Variants in RAB38 observed in about 807,000 individuals in gnomAD.
The protein encoded by RAB38 is RAB38, member RAS oncogene family, also known as ras-related protein Rab-38.
A neutral mutation model predicts 18.4 loss-of-function variants in RAB38; 15 were observed. The ratio of observed to expected loss-of-function variants is 0.82; its 90% CI spans 0.55 to 1.26. The LOEUF is 1.26. RAB38 is among the 50% of genes most tolerant of loss of function. The probability of loss-of-function intolerance (pLI) is 0.00; values close to 1 mark genes in which losing one functional copy is unlikely to be tolerated. For synonymous variants in RAB38, 101 were observed against 104.4 expected (o/e 0.97, Z 0.20); for missense variants, 294 against 267.4 (o/e 1.10, Z -0.69).
chr11:87,884,791 A>G, the RAB38 span, among the ~76,000 whole-genome samples: 158 of 152,016 alleles, frequency 1.0e-3, no homozygotes, highest in Middle Eastern at 6.8e-3. Flanking sequence ...TTTTATCATG[A>G]CATTACCTGG....
At chr11:87,816,574 C>T in the RAB38 span, 7 of 151,928 alleles carry the variant, frequency 4.6e-5, no homozygotes, top group African/African-American at 1.2e-4. Flanking sequence ...TCTATAGGAT[C>T]TCTCTCTCTC....
chr11:88,027,050 A>C, the RAB38 span, among the ~76,000 whole-genome samples: 2 of 152,242 alleles, frequency 1.3e-5, no homozygotes, highest in Non-Finnish European at 2.9e-5. Flanking sequence ...TCATGCATTA[A>C]TTCAAAAATA....
the RAB38 span, among the ~76,000 whole-genome samples, chr11:88,103,180 T>C: frequency 2.0e-5 from 3 of 152,104 alleles, no homozygotes; most frequent in Non-Finnish European, 4.4e-5. Flanking sequence ...TACCATAGTG[T>C]TATTTTGAAG....
chr11:87,805,623 G>GCA, the RAB38 span, among the ~76,000 whole-genome samples: 8,767 of 114,298 alleles, frequency 0.077, 354 homozygotes, highest in Non-Finnish European at 0.11. Context: ...ACACACACAC[G>GCA]CACACACACA....
the RAB38 span, among the ~76,000 whole-genome samples, chr11:88,021,388 A>T: frequency 6.6e-6 from 1 of 152,226 alleles, no homozygotes; most frequent in East Asian, 1.9e-4. Context: ...TTGAACCATG[A>T]AGAAATTAAA....
the RAB38 span, among the ~76,000 whole-genome samples, chr11:87,928,677 G>T: frequency 6.6e-6 from 1 of 151,968 alleles, no homozygotes; most frequent in African/African-American, 2.4e-5. Context: ...ATGAATTTTA[G>T]ATGAATTTGC....
At chr11:87,953,054 A>C in the RAB38 span, among the ~76,000 whole-genome samples, 255 of 149,502 alleles carry the variant, frequency 1.7e-3, 2 homozygotes, top group African/African-American at 5.8e-3. Context: ...TCATTATGTA[A>C]ATATGTCATT....
chr11:88,072,187 A>G, the RAB38 span, among the ~76,000 whole-genome samples: 1 of 152,200 alleles, frequency 6.6e-6, no homozygotes, highest in African/African-American at 2.4e-5. Context: ...TCTATGGGGG[A>G]ATTTTGAAGA....
chr11:88,090,319 C>A, the RAB38 span, among the ~76,000 whole-genome samples: 11 of 152,010 alleles, frequency 7.2e-5, no homozygotes, highest in East Asian at 2.1e-3. Context: ...TGATGGATAT[C>A]CTAATGGTGA....
At chr11:87,840,749 T>A in the RAB38 span, among the ~76,000 whole-genome samples, 1 of 152,226 alleles carries the variant, frequency 6.6e-6, no homozygotes, top group African/African-American at 2.4e-5. Context: ...TTCTAATTTG[T>A]AAGACATATA....
At chr11:87,972,079 C>T in the RAB38 span, among the ~76,000 whole-genome samples, 1 of 151,916 alleles carries the variant, frequency 6.6e-6, no homozygotes, top group African/African-American at 2.4e-5. Context: ...GTAAGAAAGA[C>T]GATTCACCTC....
At chr11:87,873,279 C>T in the RAB38 span, among the ~76,000 whole-genome samples, 1 of 151,474 alleles carries the variant, frequency 6.6e-6, no homozygotes, top group Non-Finnish European at 1.5e-5. Flanking sequence ...ATATTTTACC[C>T]AGTTTTAATA....
the RAB38 span, among the ~76,000 whole-genome samples, chr11:87,849,109 C>T: frequency 1.3e-5 from 2 of 152,098 alleles, no homozygotes; most frequent in African/African-American, 4.8e-5. Context: ...CCCTGATAAA[C>T]ATGACTTTCG....
At chr11:88,098,071 G>T in the RAB38 span, 1 of 151,902 alleles carries the variant, frequency 6.6e-6, no homozygotes, top group Non-Finnish European at 1.5e-5. Context: ...CTGAGCCACT[G>T]TAGAACAGCT....
chr11:87,882,171 C>T, the RAB38 span, among the ~76,000 whole-genome samples: 6 of 151,834 alleles, frequency 4.0e-5, no homozygotes, highest in Admixed American at 2.0e-4. Context: ...TCCTTGATTG[C>T]CTCTGGCCCA....
chr11:88,153,504 C>T (rs976241410), intron 1 of RAB38, among the ~76,000 whole-genome samples: 1 of 152,226 alleles, frequency 6.6e-6, no homozygotes, highest in Non-Finnish European at 1.5e-5. Flanking sequence ...ACTGCTCCTG[C>T]TCCACCTCAG....
chr11:87,934,099 C>T, the RAB38 span, among the ~76,000 whole-genome samples: 14 of 152,188 alleles, frequency 9.2e-5, no homozygotes, highest in African/African-American at 2.9e-4. Context: ...CGTGATTGTC[C>T]TGGACCACTC....
At chr11:87,965,095 C>T in the RAB38 span, among the ~76,000 whole-genome samples, 2 of 152,114 alleles carry the variant, frequency 1.3e-5, no homozygotes, top group South Asian at 2.1e-4. Flanking sequence ...TACCTGCTAG[C>T]ATGGGCCTCA....
At chr11:87,956,194 G>A in the RAB38 span, among the ~76,000 whole-genome samples, 2,393 of 151,986 alleles carry the variant, frequency 0.016, 26 homozygotes, top group South Asian at 0.043. Flanking sequence ...AAATATCAAC[G>A]ATACAAAGTC....
Sources: allele counts gnomAD v4.1 joint callset (sites outside exome capture counted in the v4.1 genomes callset), GRCh38; gene constraint gnomAD v4.1.1; transcripts MANE v1.5; gene names NCBI Gene and HGNC (gene_info 2026-07-23, HGNC 2026-07-21).